Variants in CMC2 observed in about 807,000 individuals in gnomAD.
CMC2 encodes the protein COX assembly mitochondrial protein 2 homolog.
A neutral mutation model predicts 7.5 loss-of-function variants in CMC2; 5 were observed. That is an observed-to-expected ratio of 0.66 (90% CI 0.35 to 1.40). The LOEUF is 1.40. Ranked by LOEUF, CMC2 falls within the 40% of genes most tolerant of loss-of-function variation. The probability of loss-of-function intolerance (pLI) is 0.04; values close to 1 mark genes in which losing one functional copy is unlikely to be tolerated. For synonymous variants in CMC2, 37 were observed against 31.4 expected (o/e 1.18, Z -0.60); for missense variants, 115 against 92.3 (o/e 1.25, Z -1.01).
chr16:81,005,493 G>T (rs60779117), intron 1 of CMC2, among the ~76,000 whole-genome samples: 95,525 of 151,530 alleles, frequency 0.63, 31,637 homozygotes, highest in Middle Eastern at 0.79. Context: ...TGGTATTAAA[G>T]AATTATTTTT....
intron 3 of CMC2, chr16:80,980,707 C>G: frequency 3.3e-6 from 2 of 609,458 alleles, no homozygotes; most frequent in Non-Finnish European, 2.9e-6. Flanking sequence ...CTGGCCAAAA[C>G]AGTGAGACTC....
Position 80,976,089 on chromosome 16 carries a change from C to T in CMC2, c.*4G>A, listed in dbSNP as rs756225013. The T allele has an allele frequency of 1.9e-6, 3 of 1,551,112 alleles. No homozygotes were observed. Among genetic ancestry groups the T allele is most frequent in the South Asian group, 2.2e-5 (2 of 89,870 alleles). ...TCAGCCAAGGCATCGAGTGAAAATA[C>T]AATTTATTTTTCGGATTCCTCTGGA... On this transcript the variant is annotated 3_prime_UTR_variant, in exon 4 of 4. Transcript: ENST00000219400.
chr16:81,004,611 T>A (rs1289567699), intron 1 of CMC2, among the ~76,000 whole-genome samples: 1 of 152,246 alleles, frequency 6.6e-6, no homozygotes, highest in Non-Finnish European at 1.5e-5. Context: ...AATTTTCAGC[T>A]GTCAAATGTG....
chr16:80,988,948 G>A (rs973841030), intron 2 of CMC2, among the ~76,000 whole-genome samples: 3 of 152,130 alleles, frequency 2.0e-5, no homozygotes, highest in African/African-American at 7.2e-5. Context: ...ACGTGGGTTT[G>A]TCTGGTGTTT....
At chr16:81,004,005 T>A (rs1352651290) in intron 1 of CMC2, among the ~76,000 whole-genome samples, 2 of 152,192 alleles carry the variant, frequency 1.3e-5, no homozygotes, top group Non-Finnish European at 2.9e-5. Flanking sequence ...GGCAGATCAC[T>A]TGAGGTCAGG....
chr16:80,983,414 G>C (rs1474824381), intron 2 of CMC2: 1 of 152,174 alleles, frequency 6.6e-6, no homozygotes, highest in African/African-American at 2.4e-5. Flanking sequence ...CTTAATGATA[G>C]GGAAGCCTAC....
chr16:80,967,109 C>A lies in CMC2; in HGVS notation c.*8984G>T, dbSNP rs1372594321. 6.6e-6 allele frequency: 1 copy of A among 152,194 alleles called. No individual in the cohort carries two copies. Among genetic ancestry groups the A allele is most frequent in the African/African-American group, 2.4e-5 (1 of 41,450 alleles). 9.4% of individuals were successfully genotyped at this position (152,194 alleles called of 1,614,324 possible). On this transcript the variant is annotated 3_prime_UTR_variant, in exon 4 of 4. Coordinates refer to ENST00000219400, the MANE Select transcript of CMC2 (RefSeq NM_020188.5). ...ATACCAATTATGTGTTAACCACTGT[C>A]CTAAGAGCTGCAGATACAGGAATAA...
At chr16:80,993,791 T>C (rs1235635143) in intron 2 of CMC2, among the ~76,000 whole-genome samples, 5 of 152,166 alleles carry the variant, frequency 3.3e-5, no homozygotes, top group Non-Finnish European at 5.9e-5. Flanking sequence ...ATCAACAATG[T>C]TCAGCCTCAA....
chr16:81,004,348 G>T (rs1006019799), intron 1 of CMC2, among the ~76,000 whole-genome samples: 1 of 152,226 alleles, frequency 6.6e-6, no homozygotes, highest in Admixed American at 6.5e-5. Context: ...GTTATTATTT[G>T]AATAGAATAA....
At chr16:81,004,999 GGAAATTTACA>G in intron 1 of CMC2, among the ~76,000 whole-genome samples, 1 of 152,150 alleles carries the variant, frequency 6.6e-6, no homozygotes, top group Non-Finnish European at 1.5e-5. Flanking sequence ...CGGCTGCACA[GGAAATTTACA>G]CTACAGTTGT....
rs1211974489 is a variant in CMC2 at position 80,970,178 on chromosome 16, G to A, written c.*5915C>T. On this transcript the variant is annotated 3_prime_UTR_variant, in exon 4 of 4. Transcript: ENST00000219400. Reference sequence around the variant, plus strand: ...GTCTAGCAAAAAAGAGAAAACTGCGGCTACAGTTGCAGGCTCTATAACCCC... The same window carrying A: ...GTCTAGCAAAAAAGAGAAAACTGCGACTACAGTTGCAGGCTCTATAACCCC... 6.6e-6 allele frequency: 1 copy of A among 152,144 alleles called. No homozygotes were observed. Among genetic ancestry groups the A allele is most frequent in the Non-Finnish European group, 1.5e-5 (1 of 68,024 alleles). The allele number at this position is 152,144 out of a possible 1,614,324, so 9.4% of individuals were successfully genotyped here. A position where few individuals can be genotyped will look rare whatever the true frequency, so the allele number is the denominator to read the frequency against.
At chr16:80,977,597 G>C (rs996326800) in intron 3 of CMC2, among the ~76,000 whole-genome samples, 1 of 152,198 alleles carries the variant, frequency 6.6e-6, no homozygotes. Flanking sequence ...CCACCCAAGA[G>C]AGAGTAATGA....
At position 80,974,373 on chromosome 16, in the gene CMC2, A is replaced by G. The variant is rs1043463147; in HGVS notation, c.*1720T>C. 11 of 152,286 alleles carry G rather than the reference A, an allele frequency of 7.2e-5. No homozygotes were observed. The highest frequency in any genetic ancestry group is 3.3e-4 in the Admixed American group (5 of 15,294). The allele number at this position is 152,286 out of a possible 1,614,324, so 9.4% of individuals were successfully genotyped here. A position where few individuals can be genotyped will look rare whatever the true frequency, so the allele number is the denominator to read the frequency against. ...AAAAACTTACTAAAATACAAATTGA[A>G]ATATATCAGCCTTCCAACTAACTCC... On this transcript the variant is annotated 3_prime_UTR_variant, in exon 4 of 4. Coordinates refer to ENST00000219400, the MANE Select transcript of CMC2 (RefSeq NM_020188.5).
chr16:80,991,635 G>A (rs867563272), intron 2 of CMC2: 2 of 202,934 alleles, frequency 9.9e-6, no homozygotes, highest in Middle Eastern at 4.1e-3. Context: ...AGTGGACCCT[G>A]TCTCCAAAAA....
At chr16:80,988,842 T>C (rs554474055) in intron 2 of CMC2, among the ~76,000 whole-genome samples, 2 of 152,174 alleles carry the variant, frequency 1.3e-5, no homozygotes, top group Non-Finnish European at 1.5e-5. Flanking sequence ...ATTTTTCTTA[T>C]CTTTAATCTT....
intron 3 of CMC2, among the ~76,000 whole-genome samples, chr16:80,978,000 A>C (rs1567504552): frequency 1.3e-5 from 2 of 150,412 alleles, no homozygotes; most frequent in Non-Finnish European, 2.9e-5. Flanking sequence ...TGAATCCAGA[A>C]GGAGGAGGTT....
At chr16:80,978,950 G>T (rs868018499) in intron 3 of CMC2, among the ~76,000 whole-genome samples, 5 of 152,022 alleles carry the variant, frequency 3.3e-5, no homozygotes, top group African/African-American at 1.2e-4. Context: ...GCGTGGTGGT[G>T]GGCACCTGTA....
At chr16:81,005,905 T>C (rs1392747071) in intron 1 of CMC2, among the ~76,000 whole-genome samples, 1 of 152,124 alleles carries the variant, frequency 6.6e-6, no homozygotes, top group Non-Finnish European at 1.5e-5. Context: ...AAATGCCCAA[T>C]CGATGTTCGC....
At chr16:80,983,214 C>G (rs1336327591) in intron 2 of CMC2, 1 of 148,686 alleles carries the variant, frequency 6.7e-6, no homozygotes, top group African/African-American at 2.4e-5. Flanking sequence ...TTTCAGACAA[C>G]AGGAAACTCT....
Sources: gnomAD v4.1 joint callset for allele counts (sites outside exome capture counted in the v4.1 genomes callset) on GRCh38, gnomAD v4.1.1 for gene constraint, MANE v1.5 for transcripts, NCBI Gene and HGNC (gene_info 2026-07-23, HGNC 2026-07-21) for gene names.